The following DPH5 variants were observed in gnomAD, a reference collection of about 807,000 sequenced individuals.
DPH5 encodes diphthine methyl ester synthase.
Under a neutral mutation model 31.6 loss-of-function variants are expected in DPH5, and 31 were observed. The ratio of observed to expected loss-of-function variants is 0.98; its 90% CI spans 0.74 to 1.32. The LOEUF is 1.32. Ranked by LOEUF, DPH5 falls within the 40% of genes most tolerant of loss-of-function variation. The pLI, the probability that DPH5 is intolerant of heterozygous loss-of-function variation, is 0.00. For synonymous variants in DPH5, 120 were observed against 115.0 expected (o/e 1.04, Z -0.28); for missense variants, 309 against 335.7 (o/e 0.92, Z 0.62).
rs1240330304 is a variant in DPH5, at chr1:100,990,069, T to G, written c.*339A>C. ...AGAAATACCCGAGACTGGGTAATTA[T>G]AAAAGAGGTTTAATTTTCGACTCAC... On this transcript the variant is annotated 3_prime_UTR_variant, in exon 8 of 8. Coordinates refer to ENST00000370109, the MANE Select transcript of DPH5 (RefSeq NM_015958.3). 2 of 289,014 alleles carry G rather than the reference T, an allele frequency of 6.9e-6. No individual in the cohort carries two copies. Among genetic ancestry groups the G allele is most frequent in the Non-Finnish European group, 1.3e-5 (2 of 150,880 alleles). 17.9% of individuals were successfully genotyped at this position (289,014 alleles called of 1,614,324 possible).
intron 3 of DPH5, 127 bp downstream of exon 3, chr1:101,021,514 A>G (rs1660439708): frequency 2.4e-6 from 2 of 829,248 alleles, no homozygotes; most frequent in Non-Finnish European, 3.6e-6. Flanking sequence ...CATTTTAGAT[A>G]GCGCTTAAGT....
Position 101,013,911 on chromosome 1 carries a change from A to G in DPH5, c.261-93T>C, listed in dbSNP as rs1415839522. On this transcript the variant is annotated intron_variant, in intron 3 of 7. Coordinates refer to ENST00000370109, the MANE Select transcript of DPH5 (RefSeq NM_015958.3). ...CTGAGTTCATGTCAATTAAAGAGGCAGGAGCACTGCCTTTCTTCAAATTCT... is the reference window on the plus strand; with the variant it reads ...CTGAGTTCATGTCAATTAAAGAGGCGGGAGCACTGCCTTTCTTCAAATTCT... The G allele has an allele frequency of 3.2e-6, 3 of 928,924 alleles. No individual in the cohort carries two copies. In the African/African-American group the frequency reaches 4.9e-5, roughly 15 times the overall value. 57.5% of individuals were successfully genotyped at this position (928,924 alleles called of 1,614,324 possible). A position where few individuals can be genotyped will look rare whatever the true frequency, so the allele number is the denominator to read the frequency against.
At chr1:101,019,471 G>C (rs1424168289) in intron 3 of DPH5, among the ~76,000 whole-genome samples, 4 of 151,802 alleles carry the variant, frequency 2.6e-5, no homozygotes, top group African/African-American at 9.7e-5. Flanking sequence ...CATTTTAAAA[G>C]TACTGAAAAA....
At chr1:100,995,046 T>G (rs113784997) in intron 6 of DPH5, 64 bp downstream of exon 6, 21 of 1,159,432 alleles carry the variant, frequency 1.8e-5, no homozygotes, top group African/African-American at 1.4e-4. Context: ...GTCATTTAAG[T>G]AGAATGTATT....
At chr1:100,996,602 G>A (rs1305726251) in intron 5 of DPH5, among the ~76,000 whole-genome samples, 1 of 152,106 alleles carries the variant, frequency 6.6e-6, no homozygotes, top group Non-Finnish European at 1.5e-5. Context: ...AATGTCTACT[G>A]AATAAATTTA....
chr1:101,001,379 A>G (rs1658853776), intron 5 of DPH5, 88 bp downstream of exon 5: 1 of 1,349,772 alleles, frequency 7.4e-7, no homozygotes, highest in Non-Finnish European at 1.0e-6. Flanking sequence ...ACCTCTAGCT[A>G]ATTATCCACA....
chr1:101,024,425 T>C (rs1391370367), intron 2 of DPH5, among the ~76,000 whole-genome samples: 2 of 152,198 alleles, frequency 1.3e-5, no homozygotes, highest in Non-Finnish European at 2.9e-5. Context: ...TCTCCACATA[T>C]ATGTATATAT....
intron 3 of DPH5, 75 bp from the exon 4 acceptor site, chr1:101,013,893 C>T: frequency 1.7e-6 from 2 of 1,171,880 alleles, no homozygotes; most frequent in Non-Finnish European, 2.4e-6. Context: ...TTCCTGAGTT[C>T]ATGTCAATTA....
chr1:100,990,439 C>G lies in DPH5; in HGVS notation c.827G>C (p.Ser276Thr), dbSNP rs372187693. 15 of 1,614,034 alleles carry G rather than the reference C, an allele frequency of 9.3e-6. No individual in the cohort carries two copies. In the African/African-American group the frequency reaches 2.0e-4, roughly 22 times the overall value. The change falls in exon 8 of 8, where the codon AGC becomes ACC. Residue 276 changes from serine to threonine, a missense_variant. Ser to Thr is a moderately conservative substitution (Grantham distance 58). Coordinates refer to ENST00000370109, the MANE Select transcript of DPH5 (RefSeq NM_015958.3). The part of the protein sequence containing the change: ...MLSLFSIPEN[S>T]SESQSINGL ...TCCATTGATGCTTTGAGATTCTGAG[C>G]TATTTTCTGGTATGGAAAACAGACT...
intron 4 of DPH5, among the ~76,000 whole-genome samples, chr1:101,006,903 C>T (rs763705371): frequency 6.6e-6 from 1 of 152,140 alleles, no homozygotes; most frequent in Non-Finnish European, 1.5e-5. Flanking sequence ...ATTATACAAC[C>T]TTTTCTCTGA....
rs1660755689 is a variant in DPH5, at chr1:101,025,427, C to T, written c.17G>A (p.Gly6Glu). ...GTCCTTGGCATCTCCCAGGCCCAAC[C>T]CGATGAGATAAAGCATTTCAAACTT... MLYLI[G>E]LGLGDAKDIT... is the part of the protein sequence containing the mutation. The change falls in exon 2 of 8, where the codon GGG becomes GAG. Residue 6 changes from glycine (G) to glutamate (E), a missense_variant. Gly to Glu is a moderately conservative substitution (Grantham distance 98, BLOSUM62 -2). Transcript: ENST00000370109. The T allele has an allele frequency of 6.2e-7, 1 of 1,614,008 alleles. No homozygotes were observed. Among genetic ancestry groups the T allele is most frequent in the Admixed American group, 1.7e-5 (1 of 60,002 alleles).
At chr1:101,013,390 A>G (rs532526385) in intron 4 of DPH5, among the ~76,000 whole-genome samples, 7 of 152,200 alleles carry the variant, frequency 4.6e-5, no homozygotes, top group Non-Finnish European at 1.0e-4. Flanking sequence ...AAACAATACT[A>G]TATGAAAAAT....
chr1:101,015,200 T>G (rs190081876), intron 3 of DPH5, among the ~76,000 whole-genome samples: 1 of 152,158 alleles, frequency 6.6e-6, no homozygotes, highest in African/African-American at 2.4e-5. Flanking sequence ...GAAATCACTA[T>G]CTAGGGCAGC....
At chr1:101,001,890 C>G (rs1451969295) in intron 4 of DPH5, among the ~76,000 whole-genome samples, 3 of 150,742 alleles carry the variant, frequency 2.0e-5, no homozygotes, top group Non-Finnish European at 4.4e-5. Flanking sequence ...TACTGAAATG[C>G]AAAGAACCCA....
intron 4 of DPH5, among the ~76,000 whole-genome samples, chr1:101,011,864 CTTT>C (rs1175454825): frequency 7.0e-6 from 1 of 142,836 alleles, no homozygotes; most frequent in Non-Finnish European, 1.5e-5. Context: ...AATTTCTCTC[CTTT>C]TTTTCTTTCT....
intron 3 of DPH5, among the ~76,000 whole-genome samples, chr1:101,018,992 T>C (rs1369040419): frequency 2.0e-5 from 3 of 152,190 alleles, no homozygotes; most frequent in Admixed American, 1.3e-4. Flanking sequence ...ATTATCTGTA[T>C]ATGGATGCCA....
chr1:101,025,169 T>G (rs1420061324), intron 2 of DPH5, 140 bp downstream of exon 2: 2 of 1,034,114 alleles, frequency 1.9e-6, no homozygotes, highest in Non-Finnish European at 1.3e-6. Context: ...ATTCTTCTGC[T>G]CCTCAGATCA....
At chr1:100,990,893 TATACTTAC>T (rs2101128737) in intron 7 of DPH5, among the ~76,000 whole-genome samples, 1 of 152,378 alleles carries the variant, frequency 6.6e-6, no homozygotes, top group South Asian at 2.1e-4. Flanking sequence ...CTTGACAAGC[TATACTTAC>T]ACTCTACAAT....
In DPH5 at chr1:101,013,833, G is replaced by A. The variant is rs1307777263; in HGVS notation, c.261-15C>T. 1.9e-6 allele frequency: 3 copies of A among 1,574,772 alleles called. No homozygotes were observed. The highest frequency in any genetic ancestry group is 2.6e-6 in the Non-Finnish European group (3 of 1,154,284). ...GTGTTGTGGCCCTGTAGTGAGAAAA[G>A]ATTAGATTGGATTAAAGCAAACAAC... On this transcript the variant is annotated splice_polypyrimidine_tract_variant and intron_variant, in intron 3 of 7. Transcript: ENST00000370109.
Sources: allele counts gnomAD v4.1 joint callset (sites outside exome capture counted in the v4.1 genomes callset), GRCh38; gene constraint gnomAD v4.1.1; transcripts MANE v1.5; gene names NCBI Gene and HGNC (gene_info 2026-07-23, HGNC 2026-07-21).